The following MAP4 variants were observed in gnomAD, a reference collection of about 807,000 sequenced individuals.
MAP4 encodes the protein microtubule-associated protein 4.
Under a neutral mutation model 170.2 loss-of-function variants are expected in MAP4, and 76 were observed. The ratio of observed to expected loss-of-function variants is 0.45; its 90% CI spans 0.37 to 0.54. The LOEUF (loss-of-function observed/expected upper bound fraction) is 0.54. Ranked by LOEUF, MAP4 falls within the 20% of genes least tolerant of loss-of-function variation. The pLI, the probability that MAP4 is intolerant of heterozygous loss-of-function variation, is 0.00. For missense variants in MAP4, 2,506 were observed against 2,748.0 expected (o/e 0.91, Z 1.97); for synonymous variants, 909 against 994.5 (o/e 0.91, Z 1.62).
At chr3:47,946,054 C>T (rs1178501645) in intron 3 of MAP4, among the ~76,000 whole-genome samples, 1 of 151,808 alleles carries the variant, frequency 6.6e-6, no homozygotes, top group Non-Finnish European at 1.5e-5. Context: ...CCTGCCTCAG[C>T]CTCCTGAGTA....
At position 47,910,242 on chromosome 3, in the gene MAP4, G is replaced by A. The variant is rs772612942; in HGVS notation, c.4179C>T (p.Pro1393=). 5.6e-6 allele frequency: 9 copies of A among 1,609,350 alleles called. No individual in the cohort carries two copies. The highest frequency in any genetic ancestry group is 2.2e-5 in the East Asian group (1 of 44,884). The part of the protein sequence containing the change: ...NKIDATKIHV[P]METTGDQGIE... ...TTCCCTGGTCCCCTGTGGTTTCCATGGGAACATGTATTTTTGTTGCATCTA... is the reference window on the plus strand; with the variant it reads ...TTCCCTGGTCCCCTGTGGTTTCCATAGGAACATGTATTTTTGTTGCATCTA... Residue 1393 remains proline, a synonymous_variant, in exon 9 of 21, where the codon CCC becomes CCT. Transcript: ENST00000683076.
At chr3:48,007,584 G>A (rs944495253) in intron 1 of MAP4, among the ~76,000 whole-genome samples, 1 of 152,158 alleles carries the variant, frequency 6.6e-6, no homozygotes, top group African/African-American at 2.4e-5. Context: ...ATGTTGTTTG[G>A]AGTCTTTGGC....
intron 2 of MAP4, chr3:47,987,451 C>G (rs2100089428): frequency 1.3e-6 from 2 of 1,497,636 alleles, no homozygotes; most frequent in Non-Finnish European, 8.9e-7. Context: ...GGAAAGGGAA[C>G]AGAAGTCAGG....
In MAP4 at chr3:47,911,531, T is replaced by C. The variant is rs1305575473; in HGVS notation, c.2890A>G (p.Thr964Ala). 49 of 1,536,014 alleles carry C rather than the reference T, an allele frequency of 3.2e-5. No individual in the cohort carries two copies. The highest frequency in any genetic ancestry group is 4.0e-5 in the Non-Finnish European group (46 of 1,146,848). ...AAATTTGGTATTTCTTTTGCTGCTG[T>C]GGGTTTTGAAACTACACCCATAACC... ...QEVMGVVSKP[T>A]AAKEIPNLVP... Residue 964 changes from threonine to alanine, a missense_variant, in exon 9 of 21, where the codon ACA (threonine) becomes GCA (alanine). Physicochemically the swap from Thr to Ala is moderately conservative, Grantham distance 58 (BLOSUM62 0). Transcript: ENST00000683076. This position sits in a 1 kb window ranked among gnomAD's most constrained non-coding sequence, Gnocchi z 4.0.
At chr3:47,907,370 T>C (rs1356324192) in intron 9 of MAP4, among the ~76,000 whole-genome samples, 6 of 152,352 alleles carry the variant, frequency 3.9e-5, no homozygotes, top group South Asian at 4.1e-4. Context: ...TACTGTATAC[T>C]CCTTTGTACC....
intron 1 of MAP4, among the ~76,000 whole-genome samples, chr3:48,023,872 A>G (rs2100111761): frequency 1.3e-5 from 2 of 152,064 alleles, no homozygotes; most frequent in Admixed American, 1.3e-4. Flanking sequence ...TTGGGGGGAG[A>G]CCCTCTCCTA....
chr3:47,873,415 C>A (rs1283838238), intron 12 of MAP4, among the ~76,000 whole-genome samples: 1 of 152,162 alleles, frequency 6.6e-6, no homozygotes, highest in Non-Finnish European at 1.5e-5. Context: ...ACACAGTGGG[C>A]TCAGCTCTCT....
chr3:48,084,898 T>C (rs1027411654), intron 1 of MAP4, among the ~76,000 whole-genome samples: 1 of 151,800 alleles, frequency 6.6e-6, no homozygotes, highest in South Asian at 2.1e-4. Flanking sequence ...CGCCTCAGGC[T>C]CCCAAAGTGC....
intron 9 of MAP4, 137 bp from the exon 10 acceptor site, chr3:47,903,137 T>C (rs1207200265): frequency 1.4e-5 from 2 of 147,212 alleles, no homozygotes; most frequent in Admixed American, 7.8e-5. Flanking sequence ...ACAGTTCTAC[T>C]TGGTTTCCAG....
intron 1 of MAP4, among the ~76,000 whole-genome samples, chr3:48,084,706 G>GCT (rs2154572053): frequency 6.6e-6 from 1 of 151,952 alleles, no homozygotes; most frequent in East Asian, 1.9e-4. Context: ...CTCCAGAGTA[G>GCT]CTGGGACTAT....
At chr3:47,986,340 G>A (rs751544771) in intron 2 of MAP4, among the ~76,000 whole-genome samples, 10 of 151,588 alleles carry the variant, frequency 6.6e-5, no homozygotes, top group Non-Finnish European at 1.0e-4. Flanking sequence ...GTTTTTTGGG[G>A]GGTTTTTTTG....
chr3:47,962,197 G>T (rs113321613), intron 3 of MAP4, among the ~76,000 whole-genome samples: 1 of 152,180 alleles, frequency 6.6e-6, no homozygotes, highest in Non-Finnish European at 1.5e-5. Context: ...CACAGACACC[G>T]ATTCTGGGCA....
intron 1 of MAP4, among the ~76,000 whole-genome samples, chr3:48,084,006 T>A (rs1345534381): frequency 6.6e-6 from 1 of 152,062 alleles, no homozygotes; most frequent in Non-Finnish European, 1.5e-5. Flanking sequence ...ATTACAGGCA[T>A]GAGCCATCAT....
intron 10 of MAP4, among the ~76,000 whole-genome samples, chr3:47,898,394 C>T (rs372646762): frequency 8.0e-4 from 121 of 151,780 alleles, no homozygotes; most frequent in African/African-American, 2.8e-3. Context: ...CCCAGCTACC[C>T]GGGAGGCTGA....
chr3:48,074,528 T>TC (rs2100142695), intron 1 of MAP4, among the ~76,000 whole-genome samples: 1 of 148,400 alleles, frequency 6.7e-6, no homozygotes, highest in African/African-American at 2.5e-5. Flanking sequence ...TTTTTTTTTT[T>TC]TTTGAGACAG....
At chr3:47,951,945 G>C (rs967030292) in intron 3 of MAP4, among the ~76,000 whole-genome samples, 8 of 151,280 alleles carry the variant, frequency 5.3e-5, no homozygotes, top group African/African-American at 1.9e-4. Flanking sequence ...AGGAAGTGTG[G>C]AGCGTCTCTG....
At chr3:47,892,106 A>G in intron 10 of MAP4, 1 of 1,536,074 alleles carries the variant, frequency 6.5e-7, no homozygotes. Context: ...TCCCAGATGG[A>G]ACTCGGAGGT....
intron 2 of MAP4, among the ~76,000 whole-genome samples, chr3:47,988,148 C>T (rs1215496107): frequency 1.3e-5 from 2 of 150,164 alleles, no homozygotes; most frequent in East Asian, 2.0e-4. Flanking sequence ...GAGCCAAGAT[C>T]GCGCCACTGC....
At chr3:47,907,704 A>C (rs888556578) in intron 9 of MAP4, among the ~76,000 whole-genome samples, 2 of 152,220 alleles carry the variant, frequency 1.3e-5, no homozygotes, top group African/African-American at 4.8e-5. Context: ...TTACATGTTA[A>C]CTTTTAGATC....
Sources: gnomAD v4.1 joint callset for allele counts (sites outside exome capture counted in the v4.1 genomes callset) on GRCh38, gnomAD v4.1.1 for gene constraint, Gnocchi (gnomAD v3.1) non-coding constraint, MANE v1.5 for transcripts, NCBI Gene and HGNC (gene_info 2026-07-23, HGNC 2026-07-21) for gene names.